Variants in SPAG16 observed in about 807,000 individuals in gnomAD.
The protein encoded by SPAG16 is sperm associated antigen 16.
In SPAG16, 86 loss-of-function variants were observed where a neutral mutation model predicts 80.4. The ratio of observed to expected loss-of-function variants is 1.07; its 90% CI spans 0.90 to 1.28. The LOEUF (loss-of-function observed/expected upper bound fraction) is 1.28, where lower values mean the gene tolerates loss of function less well. Ranked by LOEUF, SPAG16 falls within the 50% of genes most tolerant of loss-of-function variation. The pLI is 0.00. For synonymous variants in SPAG16, 294 were observed against 265.9 expected (o/e 1.11, Z -1.03); for missense variants, 870 against 765.3 (o/e 1.14, Z -1.61).
At chr2:214,182,820 G>C (rs1035763784) in intron 15 of SPAG16, among the ~76,000 whole-genome samples, 31 of 151,730 alleles carry the variant, frequency 2.0e-4, no homozygotes, top group South Asian at 1.5e-3. Flanking sequence ...ATAAATATCA[G>C]ATCACATTGC....
intron 13 of SPAG16, among the ~76,000 whole-genome samples, chr2:214,042,596 A>G (rs2049096541): frequency 6.6e-6 from 1 of 152,200 alleles, no homozygotes; most frequent in African/African-American, 2.4e-5. Context: ...AGATTCTACA[A>G]GAAATAAAGA....
chr2:214,038,473 T>C (rs993729216), intron 13 of SPAG16, among the ~76,000 whole-genome samples: 10 of 152,186 alleles, frequency 6.6e-5, no homozygotes, highest in Non-Finnish European at 8.8e-5. Context: ...TAGTCTTAGA[T>C]TTACAATTAC....
intron 15 of SPAG16, among the ~76,000 whole-genome samples, chr2:214,278,706 C>T (rs1475175425): frequency 6.6e-6 from 1 of 152,090 alleles, no homozygotes; most frequent in Non-Finnish European, 1.5e-5. Context: ...TCAATTATTC[C>T]CTTTAAAGCT....
At chr2:214,034,120 C>T (rs758410213) in intron 13 of SPAG16, among the ~76,000 whole-genome samples, 1 of 152,162 alleles carries the variant, frequency 6.6e-6, no homozygotes, top group Non-Finnish European at 1.5e-5. Context: ...TCTAATATTT[C>T]TTCTTGTTTA....
chr2:213,797,044 T>A (rs1407113245), intron 10 of SPAG16, among the ~76,000 whole-genome samples: 1 of 90,116 alleles, frequency 1.1e-5, no homozygotes, highest in East Asian at 3.5e-4. Context: ...AACAAAAAAA[T>A]TAAAATTAAA....
intron 7 of SPAG16, among the ~76,000 whole-genome samples, chr2:213,355,065 T>A (rs1028841533): frequency 4.0e-4 from 61 of 152,320 alleles, no homozygotes; most frequent in African/African-American, 1.4e-3. Context: ...GGGATCCAGT[T>A]TCAGTTTTCT....
At chr2:214,408,300 A>T (rs1383600764) in intron 15 of SPAG16, among the ~76,000 whole-genome samples, 1 of 152,174 alleles carries the variant, frequency 6.6e-6, no homozygotes, top group Non-Finnish European at 1.5e-5. Context: ...TTGTATAAAG[A>T]CTACAAGAAA....
In SPAG16 at chr2:213,490,018, A is replaced by G. The variant is rs372544174; in HGVS notation, c.998A>G (p.Glu333Gly). ...QPNPNLNVSK[E>G]SLSPAKFDYK... Reference sequence around the variant, plus strand: ...AATCCAAACCTGAATGTTTCTAAAGAAAGTCTTTCTCCAGCAAAATTTGAC... The same window carrying G: ...AATCCAAACCTGAATGTTTCTAAAGGAAGTCTTTCTCCAGCAAAATTTGAC... The change falls in exon 10 of 16, where the codon GAA becomes GGA. Residue 333 changes from glutamate to glycine, a missense_variant. Physicochemically the swap from Glu to Gly is moderately conservative, Grantham distance 98. Transcript: ENST00000331683. 2.5e-5 allele frequency: 40 copies of G among 1,610,998 alleles called. No homozygotes were observed. The East Asian group carries it at 5.4e-4, about 22-fold the overall frequency.
At chr2:213,735,098 C>A (rs1402359410) in intron 10 of SPAG16, among the ~76,000 whole-genome samples, 1 of 152,108 alleles carries the variant, frequency 6.6e-6, no homozygotes, top group Admixed American at 6.5e-5. Context: ...TACCCCTTCC[C>A]CATAAACCAG....
At chr2:213,529,220 A>G (rs954489465) in intron 10 of SPAG16, among the ~76,000 whole-genome samples, 1 of 152,200 alleles carries the variant, frequency 6.6e-6, no homozygotes, top group South Asian at 2.1e-4. Flanking sequence ...TGTTTTTAAC[A>G]TGATCAATGC....
chr2:214,376,480 G>A (rs1248801608), intron 15 of SPAG16, among the ~76,000 whole-genome samples: 1 of 151,880 alleles, frequency 6.6e-6, no homozygotes, highest in Non-Finnish European at 1.5e-5. Flanking sequence ...CTTGACCTAA[G>A]GAAACCAAAC....
intron 12 of SPAG16, among the ~76,000 whole-genome samples, chr2:214,004,088 G>A (rs2046918091): frequency 6.6e-6 from 1 of 152,156 alleles, no homozygotes; most frequent in Non-Finnish European, 1.5e-5. Context: ...TCAAGCTTCT[G>A]CCCATGCCTG....
chr2:214,267,366 G>T (rs957635264), intron 15 of SPAG16, among the ~76,000 whole-genome samples: 1 of 151,570 alleles, frequency 6.6e-6, no homozygotes, highest in African/African-American at 2.4e-5. Flanking sequence ...ATTGATTTTT[G>T]ACAAAGGTGC....
intron 9 of SPAG16, among the ~76,000 whole-genome samples, chr2:213,455,555 C>A (rs1441642959): frequency 6.6e-6 from 1 of 152,130 alleles, no homozygotes; most frequent in Non-Finnish European, 1.5e-5. Flanking sequence ...TTTTCGGCAC[C>A]AGGGACTGGT....
intron 9 of SPAG16, among the ~76,000 whole-genome samples, chr2:213,467,167 T>TTGAGGATAATA (rs370756348): frequency 0.015 from 2,281 of 152,254 alleles, 165 homozygotes; most frequent in Admixed American, 0.11. Context: ...GCCTGCCTCT[T>TTGAGGATAATA]CAAGTTATCA....
chr2:214,238,304 T>C (rs1320807582), intron 15 of SPAG16: 1 of 220,412 alleles, frequency 4.5e-6, no homozygotes, highest in Admixed American at 5.6e-5. Context: ...CCTTTCACCA[T>C]TGGCCATTTC....
chr2:213,903,006 T>C (rs1403135975), intron 11 of SPAG16, among the ~76,000 whole-genome samples: 1 of 152,220 alleles, frequency 6.6e-6, no homozygotes, highest in Non-Finnish European at 1.5e-5. Context: ...ATTCAGGTCA[T>C]GCTGATATAA....
intron 10 of SPAG16, among the ~76,000 whole-genome samples, chr2:213,766,699 A>G (rs1260103193): frequency 6.6e-6 from 1 of 152,192 alleles, no homozygotes. Flanking sequence ...GAGGCTAGGA[A>G]TGGAAAAGTG....
At chr2:214,204,619 G>C (rs2058093081) in intron 15 of SPAG16, among the ~76,000 whole-genome samples, 1 of 152,152 alleles carries the variant, frequency 6.6e-6, no homozygotes, top group Admixed American at 6.5e-5. Flanking sequence ...CCCATCCCTA[G>C]GAAAGGGAGA....
Sources: allele counts gnomAD v4.1 joint callset (sites outside exome capture counted in the v4.1 genomes callset), GRCh38; gene constraint gnomAD v4.1.1; transcripts MANE v1.5; gene names NCBI Gene and HGNC (gene_info 2026-07-23, HGNC 2026-07-21).